The following CPEB2 variants were observed in gnomAD, a reference collection of about 807,000 sequenced individuals.
CPEB2 encodes the protein cytoplasmic polyadenylation element binding protein 2.
A neutral mutation model predicts 93.6 loss-of-function variants in CPEB2; 56 were observed. The ratio of observed to expected loss-of-function variants is 0.60; its 90% CI spans 0.48 to 0.75. The LOEUF (loss-of-function observed/expected upper bound fraction) is 0.75, where lower values mean the gene tolerates loss of function less well. CPEB2 is among the 30% of genes least tolerant of loss of function. CPEB2 has a pLI of 0.00. For synonymous variants in CPEB2, 764 were observed against 586.3 expected (o/e 1.30, Z -4.38); for missense variants, 1,579 against 1,395.1 (o/e 1.13, Z -2.10).
At chr4:15,044,915 C>G (rs1397053210) in intron 6 of CPEB2, among the ~76,000 whole-genome samples, 1 of 152,124 alleles carries the variant, frequency 6.6e-6, no homozygotes, top group Admixed American at 6.5e-5. Flanking sequence ...CTTCATTCAT[C>G]TATAATCTTT....
At position 15,059,273 on chromosome 4, in the gene CPEB2, T is replaced by G. The variant is rs1261421915; in HGVS notation, c.2667T>G (p.Val889=). 1 of 1,612,988 alleles carries G rather than the reference T, an allele frequency of 6.2e-7. No homozygotes were observed. Among genetic ancestry groups the G allele is most frequent in the Non-Finnish European group, 8.5e-7 (1 of 1,179,200 alleles). The change falls in exon 10 of 12, where the codon GTT becomes GTG. Residue 889 remains valine, a synonymous_variant. Transcript: ENST00000538197. ...QPLDPRKTIF[V]GGVPRPLRAV... ...TGGATCCCCGAAAAACAATTTTTGT[T>G]GGAGGTGTTCCTAGGCCATTAAGGG... is the stretch of plus-strand genomic sequence containing the variant.
At chr4:15,054,308 AAG>A in intron 8 of CPEB2, 91 bp downstream of exon 8, 1 of 855,086 alleles carries the variant, frequency 1.2e-6, no homozygotes, top group Non-Finnish European at 1.9e-6. Context: ...TAGGAATCAT[AAG>A]AGACTTGCTA....
chr4:15,039,470 G>T (rs1726959828), intron 5 of CPEB2, among the ~76,000 whole-genome samples: 1 of 151,632 alleles, frequency 6.6e-6, no homozygotes, highest in South Asian at 2.1e-4. Context: ...TTTTTTCCAG[G>T]CCTAAAAAAA....
chr4:15,062,310 C>A, intron 11 of CPEB2, 50 bp downstream of exon 11: 1 of 1,398,964 alleles, frequency 7.1e-7, no homozygotes, highest in Non-Finnish European at 9.8e-7. Flanking sequence ...AGGTGCTGAT[C>A]CAAAGCCTCA....
intron 4 of CPEB2, among the ~76,000 whole-genome samples, chr4:15,026,235 T>TTG (rs968841013): frequency 6.6e-6 from 1 of 151,694 alleles, no homozygotes; most frequent in African/African-American, 2.4e-5. Context: ...TGTTTTTGTT[T>TTG]TTGTTTTTTG....
At chr4:15,010,851 C>T (rs541898889) in intron 3 of CPEB2, among the ~76,000 whole-genome samples, 13 of 152,044 alleles carry the variant, frequency 8.6e-5, no homozygotes, top group African/African-American at 2.4e-4. Flanking sequence ...ACTTGGATAC[C>T]GCGGGCTTTA....
Position 15,058,493 on chromosome 4 carries a change from G to A in CPEB2, c.2534G>A (p.Gly845Glu). The A allele has an allele frequency of 1.2e-6, 2 of 1,612,680 alleles. No homozygotes were observed. Reference protein sequence around the residue: ...ALIDACIEEDGKLYLCVSSPT... With the variant: ...ALIDACIEEDEKLYLCVSSPT... ...ATTGATGCTTGTATTGAAGAAGATG[G>A]AAAACTCTATCTGTGTGTTTCTAGC... is the stretch of plus-strand genomic sequence containing the variant. Residue 845 changes from glycine (G) to glutamate (E), a missense_variant, in exon 9 of 12, where the codon GGA (glycine) becomes GAA (glutamate). This residue lies in a region of CPEB2 where 168 missense variants were observed against 339.1 expected (regional missense o/e 0.50). Coordinates refer to ENST00000538197, the MANE Select transcript of CPEB2 (RefSeq NM_001177382.2).
At chr4:15,028,156 A>G (rs1233497865) in intron 4 of CPEB2, among the ~76,000 whole-genome samples, 2 of 152,158 alleles carry the variant, frequency 1.3e-5, no homozygotes, top group African/African-American at 4.8e-5. Flanking sequence ...TCAACTGAAT[A>G]TTAGGGCTTT....
chr4:15,034,833 G>T (rs1726450581), intron 5 of CPEB2, among the ~76,000 whole-genome samples: 1 of 152,128 alleles, frequency 6.6e-6, no homozygotes, highest in South Asian at 2.1e-4. Flanking sequence ...AATTTTAGTA[G>T]ACACCAGGGT....
At position 15,066,585 on chromosome 4, in the gene CPEB2, G is replaced by T; in HGVS notation, c.*205G>T. 2 of 520,628 alleles carry T rather than the reference G, an allele frequency of 3.8e-6. No individual in the cohort carries two copies. Among genetic ancestry groups the T allele is most frequent in the Non-Finnish European group, 6.8e-6 (2 of 294,646 alleles). The allele number at this position is 520,628 out of a possible 1,614,324, so 32.3% of individuals were successfully genotyped here. On this transcript the variant is annotated 3_prime_UTR_variant, in exon 12 of 12. Transcript: ENST00000538197. ...CTACATCTCAGGCTTACTAATTTTT[G>T]TGATATTTTCATGTTCAAATAAAAT...
At chr4:15,055,048 G>A (rs1728584564) in intron 8 of CPEB2, among the ~76,000 whole-genome samples, 1 of 152,118 alleles carries the variant, frequency 6.6e-6, no homozygotes, top group Non-Finnish European at 1.5e-5. Flanking sequence ...TTTGACTCTG[G>A]GAAATGAAGC....
intron 4 of CPEB2, among the ~76,000 whole-genome samples, chr4:15,018,969 T>TATATATACAC (rs1479960595): frequency 3.6e-5 from 5 of 139,194 alleles, no homozygotes; most frequent in Non-Finnish European, 7.8e-5. Context: ...TATATATATA[T>TATATATACAC]ACACACGCAC....
chr4:15,003,260 C>G lies in CPEB2; in HGVS notation c.587C>G (p.Pro196Arg). Residue 196 changes from proline to arginine, a missense_variant, in exon 1 of 12, where the codon CCG becomes CGG. By Grantham distance (103) the Pro-to-Arg change is moderately radical (BLOSUM62 -2). Transcript: ENST00000538197. ...HLPHPPDSKP[P>R]PPPPPLHCPG... is the part of the protein sequence containing the mutation. ...CCCCACCCTCCGGACTCGAAGCCGCCGCCGCCGCCTCCGCCGCTCCACTGC... is the reference window on the plus strand; with the variant it reads ...CCCCACCCTCCGGACTCGAAGCCGCGGCCGCCGCCTCCGCCGCTCCACTGC... The G allele has an allele frequency of 6.6e-7, 1 of 1,523,836 alleles. No homozygotes were observed. Among genetic ancestry groups the G allele is most frequent in the Non-Finnish European group, 8.8e-7 (1 of 1,141,422 alleles). 94.4% of individuals were successfully genotyped at this position (1,523,836 alleles called of 1,614,324 possible). A position where few individuals can be genotyped will look rare whatever the true frequency, so the allele number is the denominator to read the frequency against.
chr4:15,011,347 C>A (rs1027799106), intron 3 of CPEB2, among the ~76,000 whole-genome samples: 1 of 151,988 alleles, frequency 6.6e-6, no homozygotes, highest in Non-Finnish European at 1.5e-5. Flanking sequence ...GTAATCCGCC[C>A]GCCTCGGCCT....
chr4:15,011,249 C>T (rs1348696332), intron 3 of CPEB2, among the ~76,000 whole-genome samples: 1 of 151,734 alleles, frequency 6.6e-6, no homozygotes, highest in Non-Finnish European at 1.5e-5. Flanking sequence ...TACATGCATG[C>T]ACCACCATAC....
chr4:15,044,901 A>G (rs1727512411), intron 6 of CPEB2, among the ~76,000 whole-genome samples: 1 of 152,132 alleles, frequency 6.6e-6, no homozygotes, highest in Non-Finnish European at 1.5e-5. Flanking sequence ...TCCTTCTCTT[A>G]TTACTTCATT....
intron 6 of CPEB2, among the ~76,000 whole-genome samples, chr4:15,051,931 G>A (rs1013203179): frequency 2.0e-5 from 3 of 152,202 alleles, no homozygotes; most frequent in Admixed American, 6.5e-5. Context: ...ATTGGCACAC[G>A]TGTAATAAAT....
rs554793227 is a variant in CPEB2 at position 15,003,704 on chromosome 4, GCCCGGACCTTCCACA to G, written c.1037_1051del (p.Asp346_Pro350del). On this transcript the variant is annotated inframe_deletion, in exon 1 of 12. Coordinates refer to ENST00000538197, the MANE Select transcript of CPEB2 (RefSeq NM_001177382.2). ...GCGGGCGCCTTCAGCAGCCTGCAGA[GCCCGGACCTTCCACA>G]CCCGGGCGGCGGCGGCGGCGGCGGG... The G allele has an allele frequency of 2.9e-3, 4,109 of 1,395,996 alleles. 88 individuals are homozygous for G. The East Asian group carries it at 0.052, about 18-fold the overall frequency. 86.5% of individuals were successfully genotyped at this position (1,395,996 alleles called of 1,614,324 possible).
At chr4:15,020,221 A>G (rs543842424) in intron 4 of CPEB2, among the ~76,000 whole-genome samples, 2 of 152,206 alleles carry the variant, frequency 1.3e-5, no homozygotes, top group South Asian at 4.1e-4. Context: ...TTTCCACAAC[A>G]TTCTGTTAAC....
Sources: allele counts gnomAD v4.1 joint callset (sites outside exome capture counted in the v4.1 genomes callset), GRCh38; gene constraint gnomAD v4.1.1; regional missense constraint gnomAD v4.1.1; transcripts MANE v1.5; gene names NCBI Gene and HGNC (gene_info 2026-07-23, HGNC 2026-07-21).